IL7: variants seen among roughly 807,000 people sequenced by gnomAD.
The protein encoded by IL7 is interleukin 7, also known as interleukin-7.
In IL7, 3 loss-of-function variants were observed where a neutral mutation model predicts 21.6. The ratio of observed to expected loss-of-function variants is 0.14; its 90% confidence interval spans 0.06 to 0.36. IL7 has a LOEUF of 0.36. Ranked by LOEUF, IL7 falls within the 10% of genes least tolerant of loss-of-function variation. IL7 has a pLI of 1.00. For missense variants in IL7, 175 were observed against 200.2 expected (o/e 0.87, Z 0.76); for synonymous variants, 62 against 68.1 (o/e 0.91, Z 0.44).
downstream of IL7, among the ~76,000 whole-genome samples, chr8:78,732,312 C>A (rs557420367): frequency 6.6e-6 from 1 of 152,106 alleles, no homozygotes; most frequent in Non-Finnish European, 1.5e-5. Context: ...GTATACAATT[C>A]TATACAGCTA....
intron 2 of IL7, among the ~76,000 whole-genome samples, chr8:78,769,482 G>A (rs1439478696): frequency 2.8e-4 from 43 of 152,228 alleles, no homozygotes; most frequent in Non-Finnish European, 6.3e-4. Context: ...TACAAGGGAC[G>A]TGAAGGACCT....
At chr8:78,755,704 T>C (rs978605862) in intron 2 of IL7, among the ~76,000 whole-genome samples, 2 of 152,124 alleles carry the variant, frequency 1.3e-5, no homozygotes, top group African/African-American at 4.8e-5. Context: ...CTTTACTGAA[T>C]TCATTTATCA....
chr8:78,687,925 T>A lies in IL7; in HGVS notation n.215-1978A>T, dbSNP rs1049982574. ...TATATTTATATAAATATATAATTAT[T>A]TATATCTATATTTTTATATATAAAC... On this transcript the variant is annotated intron_variant and non_coding_transcript_variant, in intron 3 of 4. Coordinates refer to the IL7 transcript ENST00000523959. Among the ~76,000 whole-genome samples, 16 of 140,700 alleles carry A rather than the reference T, an allele frequency of 1.1e-4. 3 individuals carry two copies. The highest frequency in any genetic ancestry group is 3.7e-4 in the African/African-American group (14 of 37,770). The allele number at this position is 140,700 out of a possible 152,430, so 92.3% of individuals were successfully genotyped here.
intron 3 of IL7, among the ~76,000 whole-genome samples, chr8:78,694,286 GTT>G (rs34581027): frequency 2.2e-3 from 311 of 142,456 alleles, no homozygotes; most frequent in South Asian, 6.8e-3. Flanking sequence ...TATGTTCCTT[GTT>G]TTTTTTTTTT....
intron 2 of IL7, among the ~76,000 whole-genome samples, chr8:78,758,141 A>C (rs1586075741): frequency 1.3e-5 from 2 of 152,056 alleles, no homozygotes; most frequent in African/African-American, 2.4e-5. Context: ...AGACTAATAT[A>C]GTGTCTTTAC....
chr8:78,753,269 G>A (rs560160392), intron 2 of IL7, among the ~76,000 whole-genome samples: 28 of 152,156 alleles, frequency 1.8e-4, no homozygotes, highest in South Asian at 8.3e-4. Flanking sequence ...TTTAATGATC[G>A]CCATTCTAAC....
chr8:78,686,025 AC>A (rs1410656540), intron 3 of IL7: 1 of 152,240 alleles, frequency 6.6e-6, no homozygotes, highest in African/African-American at 2.4e-5. Context: ...TTTATCAGGA[AC>A]CCACTCCCTC....
At chr8:78,795,729 ATTAAT>A (rs1397781352) in intron 2 of IL7, among the ~76,000 whole-genome samples, 4 of 152,128 alleles carry the variant, frequency 2.6e-5, no homozygotes, top group Non-Finnish European at 5.9e-5. Flanking sequence ...GACTCAAAAG[ATTAAT>A]TTAGTAGCAT....
At chr8:78,705,561 G>A (rs1379235803) in intron 3 of IL7, among the ~76,000 whole-genome samples, 1 of 152,170 alleles carries the variant, frequency 6.6e-6, no homozygotes, top group Non-Finnish European at 1.5e-5. Flanking sequence ...GAATGGGACT[G>A]GGAACCTGCT....
At chr8:78,687,448 C>CTA (rs1810023674) in intron 3 of IL7, among the ~76,000 whole-genome samples, 1 of 143,814 alleles carries the variant, frequency 7.0e-6, no homozygotes, top group African/African-American at 2.5e-5. Flanking sequence ...AAGCCATAGA[C>CTA]TATATATACA....
chr8:78,765,684 ATGC>A (rs1340512857), intron 2 of IL7, among the ~76,000 whole-genome samples: 1 of 152,096 alleles, frequency 6.6e-6, no homozygotes, highest in African/African-American at 2.4e-5. Flanking sequence ...ACCACAGTAA[ATGC>A]TGGCAAGGAT....
chr8:78,732,615 TA>T (rs1811447865), downstream of IL7, among the ~76,000 whole-genome samples: 3 of 152,156 alleles, frequency 2.0e-5, no homozygotes, highest in Admixed American at 1.3e-4. Flanking sequence ...TTTAAAAGAC[TA>T]AAATTTAACA....
intron 2 of IL7, among the ~76,000 whole-genome samples, chr8:78,797,542 G>T (rs1447711149): frequency 6.6e-6 from 1 of 151,842 alleles, no homozygotes. Flanking sequence ...ACCTAAGTTG[G>T]CTCTAAGGTA....
At chr8:78,796,055 G>A (rs1813843168) in intron 2 of IL7, among the ~76,000 whole-genome samples, 1 of 151,976 alleles carries the variant, frequency 6.6e-6, no homozygotes, top group African/African-American at 2.4e-5. Flanking sequence ...GTTTCAATCT[G>A]ATTGAAAAGA....
chr8:78,688,436 A>T (rs1260564640), intron 3 of IL7, among the ~76,000 whole-genome samples: 1 of 152,172 alleles, frequency 6.6e-6, no homozygotes, highest in Non-Finnish European at 1.5e-5. Context: ...ATGAATATAA[A>T]TTGAAAAGGG....
intron 3 of IL7, among the ~76,000 whole-genome samples, chr8:78,722,005 A>G (rs1811250910): frequency 6.6e-6 from 1 of 152,004 alleles, no homozygotes; most frequent in South Asian, 2.1e-4. Flanking sequence ...TTGTATATAA[A>G]ATATTCCAAT....
chr8:78,685,180 A>G (rs2130478444), intron 4 of IL7, among the ~76,000 whole-genome samples: 1 of 152,326 alleles, frequency 6.6e-6, no homozygotes, highest in East Asian at 1.9e-4. Context: ...TAGTGATTAT[A>G]CAGGTGTTAT....
intron 2 of IL7, among the ~76,000 whole-genome samples, chr8:78,789,556 G>A (rs1813618131): frequency 6.6e-6 from 1 of 152,060 alleles, no homozygotes; most frequent in Non-Finnish European, 1.5e-5. Context: ...TCATTAAAGA[G>A]TTTTTAAAAA....
exon 5 of IL7, chr8:78,675,987 T>C: frequency 2.8e-6 from 2 of 725,694 alleles, no homozygotes; most frequent in Non-Finnish European, 4.4e-6. Flanking sequence ...GTACTATTCT[T>C]TGTTCAAGGG....
Sources: gnomAD v4.1 joint callset for allele counts (sites outside exome capture counted in the v4.1 genomes callset) on GRCh38, gnomAD v4.1.1 for gene constraint, MANE v1.5 for transcripts, NCBI Gene and HGNC (gene_info 2026-07-23, HGNC 2026-07-21) for gene names.